CFAP20DC: variants seen among roughly 807,000 people sequenced by gnomAD.
The protein encoded by CFAP20DC is CFAP20 domain containing, also known as protein CFAP20DC.
CFAP20DC carries 84 observed loss-of-function variants against 101.7 expected under a neutral mutation model. That is an observed-to-expected ratio of 0.83 (90% CI 0.69 to 0.99). The LOEUF (loss-of-function observed/expected upper bound fraction) is 0.99. Ranked by LOEUF, CFAP20DC falls within the 50% of genes least tolerant of loss-of-function variation. The pLI, the probability that CFAP20DC is intolerant of heterozygous loss-of-function variation, is 0.00. For missense variants in CFAP20DC, 1,007 were observed against 970.3 expected (o/e 1.04, Z -0.50); for synonymous variants, 359 against 351.2 (o/e 1.02, Z -0.25).
chr3:58,890,612 C>T (rs569663914), intron 6 of CFAP20DC, among the ~76,000 whole-genome samples: 17 of 151,014 alleles, frequency 1.1e-4, no homozygotes, highest in African/African-American at 2.2e-4. Context: ...CGGGCGGAGA[C>T]GCTCCTCACT....
At chr3:58,806,499 G>A (rs768998544) in intron 14 of CFAP20DC, 43 bp from the exon 15 acceptor site, 1 of 1,415,230 alleles carries the variant, frequency 7.1e-7, no homozygotes, top group Non-Finnish European at 1.0e-6. Context: ...TCAGCACAAA[G>A]CTGTTTACAT....
chr3:58,812,738 G>T (rs969016616), intron 14 of CFAP20DC, among the ~76,000 whole-genome samples: 1 of 151,196 alleles, frequency 6.6e-6, no homozygotes, highest in Non-Finnish European at 1.5e-5. Context: ...AGAAAAGAAG[G>T]GTATGGGTTT....
chr3:58,903,366 G>A (rs2083316426), intron 6 of CFAP20DC, among the ~76,000 whole-genome samples: 1 of 151,960 alleles, frequency 6.6e-6, no homozygotes, highest in Admixed American at 6.6e-5. Context: ...TTTGCATGTG[G>A]ATATACAGAA....
intron 16 of CFAP20DC, among the ~76,000 whole-genome samples, chr3:58,745,920 T>C (rs1423557373): frequency 6.6e-6 from 1 of 152,174 alleles, no homozygotes; most frequent in African/African-American, 2.4e-5. Context: ...AAAGTACCTG[T>C]CATTGTTCCT....
At chr3:58,887,743 C>T (rs2081775469) in intron 6 of CFAP20DC, among the ~76,000 whole-genome samples, 1 of 152,166 alleles carries the variant, frequency 6.6e-6, no homozygotes, top group Non-Finnish European at 1.5e-5. Flanking sequence ...ATATCTACTC[C>T]CCCTTTGCAC....
intron 6 of CFAP20DC, among the ~76,000 whole-genome samples, chr3:58,893,397 T>C (rs968549866): frequency 2.0e-5 from 3 of 152,180 alleles, no homozygotes; most frequent in African/African-American, 7.2e-5. Flanking sequence ...AAGATAATCA[T>C]GTGGTTTTTG....
chr3:58,877,206 G>C (rs992301294), intron 7 of CFAP20DC, among the ~76,000 whole-genome samples: 1 of 152,178 alleles, frequency 6.6e-6, no homozygotes, highest in Non-Finnish European at 1.5e-5. Context: ...TTTGAGCAGT[G>C]ACCAGGCATT....
At chr3:58,765,352 A>G (rs1484652694) in intron 15 of CFAP20DC, among the ~76,000 whole-genome samples, 1 of 151,850 alleles carries the variant, frequency 6.6e-6, no homozygotes, top group Non-Finnish European at 1.5e-5. Context: ...TCATCTCTTT[A>G]TGTATACAGT....
intron 4 of CFAP20DC, among the ~76,000 whole-genome samples, chr3:58,946,439 A>C (rs536202138): frequency 6.6e-6 from 1 of 152,216 alleles, no homozygotes; most frequent in Non-Finnish European, 1.5e-5. Flanking sequence ...CTCTCAGTCC[A>C]TTCTTCATGT....
intron 4 of CFAP20DC, among the ~76,000 whole-genome samples, chr3:58,977,413 A>C (rs993493324): frequency 1.6e-4 from 24 of 152,226 alleles, no homozygotes; most frequent in African/African-American, 5.5e-4. Context: ...GATATAAATT[A>C]AACAGTTGAA....
At chr3:58,819,484 C>A (rs1425066879) in intron 14 of CFAP20DC, among the ~76,000 whole-genome samples, 4 of 149,320 alleles carry the variant, frequency 2.7e-5, no homozygotes, top group Non-Finnish European at 6.0e-5. Context: ...CACAGAAATA[C>A]AAACTACCAT....
intron 4 of CFAP20DC, among the ~76,000 whole-genome samples, chr3:58,939,700 C>T (rs922673335): frequency 2.6e-5 from 4 of 151,038 alleles, no homozygotes; most frequent in Non-Finnish European, 4.4e-5. Context: ...CCTCGTGATC[C>T]GCCTGCCTCG....
At chr3:58,990,491 G>C (rs1053662251) in intron 4 of CFAP20DC, among the ~76,000 whole-genome samples, 4 of 152,084 alleles carry the variant, frequency 2.6e-5, no homozygotes, top group African/African-American at 9.7e-5. Context: ...CCAGGTCCTA[G>C]AATGCTCTTT....
chr3:58,851,877 T>C (rs772139426), intron 12 of CFAP20DC, among the ~76,000 whole-genome samples: 1 of 152,230 alleles, frequency 6.6e-6, no homozygotes, highest in Admixed American at 6.5e-5. Flanking sequence ...AACTTTTTGA[T>C]GAGAGAAGTG....
intron 4 of CFAP20DC, among the ~76,000 whole-genome samples, chr3:58,939,710 G>A (rs952029905): frequency 5.4e-5 from 8 of 147,320 alleles, no homozygotes; most frequent in Non-Finnish European, 1.2e-4. Context: ...CGCCTGCCTC[G>A]CCCTCCCAAA....
chr3:58,755,552 G>A (rs1164594737), intron 15 of CFAP20DC, among the ~76,000 whole-genome samples: 1 of 152,150 alleles, frequency 6.6e-6, no homozygotes, highest in Non-Finnish European at 1.5e-5. Flanking sequence ...TACCCCAGTG[G>A]GGAAAGTGTA....
At position 58,894,016 on chromosome 3, in the gene CFAP20DC, G is replaced by C. The variant is rs771232418; in HGVS notation, c.551-9307C>G. Among the ~76,000 whole-genome samples, 1 of 152,126 alleles carries C rather than the reference G, an allele frequency of 6.6e-6. No homozygotes were observed. The highest frequency in any genetic ancestry group is 2.4e-5 in the African/African-American group (1 of 41,428). On this transcript the variant is annotated intron_variant, in intron 6 of 16. Transcript: ENST00000482387. The surrounding 1 kb of genome is among the most constrained non-coding windows in gnomAD (Gnocchi z 4.1). The stretch of plus-strand genomic sequence containing the variant: ...GAAACTCCCCTTTTTAAAACCATCA[G>C]ATCTCAAAAGACTTACTTGCTATCA...
rs1367125549 is a variant in CFAP20DC, at chr3:58,962,340, T to C, written c.279-24578A>G. ...AGGATTTCCTCAATTTTTTATCTCA[T>C]GTTTATTTTTAATTTAATTCCTTTA... On this transcript the variant is annotated intron_variant, in intron 4 of 16. Coordinates refer to ENST00000482387, the MANE Select transcript of CFAP20DC (RefSeq NM_001394063.1). 2.0e-5 allele frequency among the ~76,000 whole-genome samples: 3 copies of C among 152,348 alleles called. No homozygotes were observed. The South Asian group carries it at 6.2e-4, about 32-fold the overall frequency.
At chr3:58,926,244 T>A (rs140710650) in intron 5 of CFAP20DC, among the ~76,000 whole-genome samples, 151 of 151,964 alleles carry the variant, frequency 9.9e-4, no homozygotes, top group African/African-American at 3.4e-3. Flanking sequence ...CAGCCGCCTA[T>A]AGTCCCAGAT....
Sources: allele counts gnomAD v4.1 joint callset (sites outside exome capture counted in the v4.1 genomes callset), GRCh38; gene constraint gnomAD v4.1.1; non-coding constraint Gnocchi (gnomAD v3.1); transcripts MANE v1.5; gene names NCBI Gene and HGNC (gene_info 2026-07-23, HGNC 2026-07-21).